RIMS2: variants seen among roughly 807,000 people sequenced by gnomAD.
The protein encoded by RIMS2 is regulating synaptic membrane exocytosis protein 2.
A neutral mutation model predicts 174.4 loss-of-function variants in RIMS2; 59 were observed. That is an observed-to-expected ratio of 0.34 (90% confidence interval 0.27 to 0.42). The LOEUF (loss-of-function observed/expected upper bound fraction) is 0.42. Ranked by LOEUF, RIMS2 falls within the 10% of genes least tolerant of loss-of-function variation. RIMS2 has a pLI of 1.00. For synonymous variants in RIMS2, 606 were observed against 572.5 expected, an observed-to-expected ratio of 1.06 and a Z score of -0.84; for missense variants, 1,620 against 1,666.3, an observed-to-expected ratio of 0.97 and a Z score of 0.48.
At chr8:103,649,149 C>T (rs2096401810) in intron 1 of RIMS2, among the ~76,000 whole-genome samples, 1 of 152,114 alleles carries the variant, frequency 6.6e-6, no homozygotes. Context: ...TGGAAATTCC[C>T]TAAGCATTTG....
chr8:103,590,130 C>T (rs892061720), intron 1 of RIMS2, among the ~76,000 whole-genome samples: 2 of 151,332 alleles, frequency 1.3e-5, no homozygotes, highest in Non-Finnish European at 3.0e-5. Context: ...ATGGTGGATA[C>T]CACATTCTTC....
intron 1 of RIMS2, among the ~76,000 whole-genome samples, chr8:103,585,874 A>G (rs1484205823): frequency 1.3e-5 from 2 of 152,012 alleles, no homozygotes; most frequent in East Asian, 1.9e-4. Flanking sequence ...CTGCACATGT[A>G]TCCCAGAACT....
intron 7 of RIMS2, among the ~76,000 whole-genome samples, chr8:103,916,026 A>G (rs2154528412): frequency 6.6e-6 from 1 of 152,076 alleles, no homozygotes; most frequent in Admixed American, 6.6e-5. Flanking sequence ...TAAGGTTTTT[A>G]CAAGAGAATT....
At chr8:103,927,049 A>G (rs1056838865) in intron 10 of RIMS2, among the ~76,000 whole-genome samples, 22 of 151,560 alleles carry the variant, frequency 1.5e-4, no homozygotes, top group African/African-American at 5.3e-4. Flanking sequence ...ACTACCTCAT[A>G]AGGTTGTTGG....
chr8:104,253,317 AT>A (rs2099363229), downstream of RIMS2: 1 of 152,154 alleles, frequency 6.6e-6, no homozygotes, highest in South Asian at 2.1e-4. Context: ...GCCAGTTTCC[AT>A]TTACTATGTG....
rs1054452543 is a variant in RIMS2 at position 103,744,838 on chromosome 8, A to G, written c.388-21389A>G. ...ATAATCTACTCTTTAATTGACATCT[A>G]TTGGCTTTCCTACCTTTCATGTTTC... On this transcript the variant is annotated intron_variant, in intron 2 of 23. Coordinates refer to ENST00000504942, the Ensembl canonical transcript of RIMS2. Among the ~76,000 whole-genome samples the G allele has an allele frequency of 3.3e-5, 5 of 152,116 alleles. No individual in the cohort carries two copies. The South Asian group carries it at 8.3e-4, about 25-fold the overall frequency.
chr8:103,771,050 G>T (rs1273078064), intron 3 of RIMS2, among the ~76,000 whole-genome samples: 2 of 152,046 alleles, frequency 1.3e-5, no homozygotes, highest in Non-Finnish European at 2.9e-5. Context: ...TAGTAGTTTT[G>T]ACCTTTTTAA....
chr8:104,200,456 G>A (rs2099048979), intron 19 of RIMS2, among the ~76,000 whole-genome samples: 1 of 152,154 alleles, frequency 6.6e-6, no homozygotes, highest in Non-Finnish European at 1.5e-5. Context: ...ACTGGAGGCA[G>A]GAATGCCAGT....
chr8:103,925,242 G>T (rs2078537816), intron 10 of RIMS2, among the ~76,000 whole-genome samples: 1 of 151,442 alleles, frequency 6.6e-6, no homozygotes, highest in African/African-American at 2.4e-5. Context: ...CATGATCTGT[G>T]GTTGATTTAC....
intron 1 of RIMS2, among the ~76,000 whole-genome samples, chr8:103,627,070 G>T (rs532508025): frequency 5.8e-4 from 89 of 152,220 alleles, no homozygotes; most frequent in Non-Finnish European, 7.9e-4. Flanking sequence ...GGAGACCAGG[G>T]TGTATTTCAG....
intron 1 of RIMS2, among the ~76,000 whole-genome samples, chr8:103,631,363 C>G (rs563842459): frequency 2.0e-4 from 30 of 152,294 alleles, no homozygotes; most frequent in African/African-American, 6.7e-4. Flanking sequence ...AGCCAGTTAA[C>G]CCAGTATCAT....
chr8:103,753,510 T>C (rs1282690574), intron 2 of RIMS2, among the ~76,000 whole-genome samples: 1 of 152,168 alleles, frequency 6.6e-6, no homozygotes, highest in Non-Finnish European at 1.5e-5. Flanking sequence ...TCAGAAGGAA[T>C]GGTACCAGTT....
chr8:103,722,734 G>A (rs1207473829), intron 2 of RIMS2, among the ~76,000 whole-genome samples: 1 of 152,158 alleles, frequency 6.6e-6, no homozygotes, highest in African/African-American at 2.4e-5. Flanking sequence ...TGATCTAATA[G>A]GTTCTGCATA....
intron 3 of RIMS2, among the ~76,000 whole-genome samples, chr8:103,872,335 T>C (rs2099116347): frequency 6.6e-6 from 1 of 152,230 alleles, no homozygotes; most frequent in Non-Finnish European, 1.5e-5. Flanking sequence ...CACTTGTATC[T>C]ATTGTAACCT....
chr8:104,108,894 T>C (rs566946246), intron 19 of RIMS2, among the ~76,000 whole-genome samples: 1 of 152,270 alleles, frequency 6.6e-6, no homozygotes, highest in Admixed American at 6.5e-5. Context: ...AGAGTTCTGA[T>C]CTGGCACCTT....
chr8:103,864,814 G>A (rs1488056415), intron 3 of RIMS2, among the ~76,000 whole-genome samples: 1 of 152,108 alleles, frequency 6.6e-6, no homozygotes, highest in Non-Finnish European at 1.5e-5. Context: ...TATCAAGTGT[G>A]CCTGACTCTA....
At chr8:103,751,427 A>G (rs1160116083) in intron 2 of RIMS2, among the ~76,000 whole-genome samples, 3 of 151,790 alleles carry the variant, frequency 2.0e-5, no homozygotes, top group Admixed American at 2.0e-4. Context: ...GTGTCTTTAT[A>G]GCAGCATGAT....
At chr8:104,116,520 G>A (rs1206305745) in intron 19 of RIMS2, among the ~76,000 whole-genome samples, 1 of 151,950 alleles carries the variant, frequency 6.6e-6, no homozygotes, top group Non-Finnish European at 1.5e-5. Context: ...AGTTAAATCT[G>A]TTCTGAAATG....
At chr8:103,820,877 A>T (rs935728877) in intron 3 of RIMS2, among the ~76,000 whole-genome samples, 1 of 151,330 alleles carries the variant, frequency 6.6e-6, no homozygotes, top group African/African-American at 2.4e-5. Flanking sequence ...GTGATACATC[A>T]CTTTAGTGTC....
Sources: allele counts gnomAD v4.1 joint callset (sites outside exome capture counted in the v4.1 genomes callset), GRCh38; gene constraint gnomAD v4.1.1; transcripts MANE v1.5; gene names NCBI Gene and HGNC (gene_info 2026-07-23, HGNC 2026-07-21).